Variants in ANGPT1 observed in about 807,000 individuals in gnomAD.
The protein encoded by ANGPT1 is angiopoietin-1.
In ANGPT1, 17 loss-of-function variants were observed where a neutral mutation model predicts 62.2. That is an observed-to-expected ratio of 0.27 (90% CI 0.19 to 0.41). ANGPT1 has a LOEUF of 0.41. Ranked by LOEUF, ANGPT1 falls within the 10% of genes least tolerant of loss-of-function variation. ANGPT1 has a pLI of 1.00. For synonymous variants in ANGPT1, 199 were observed against 198.9 expected (o/e 1.00, Z 0.00); for missense variants, 478 against 594.9 (o/e 0.80, Z 2.04).
intron 3 of ANGPT1, among the ~76,000 whole-genome samples, chr8:107,332,825 G>C (rs1815454780): frequency 6.6e-6 from 1 of 152,168 alleles, no homozygotes; most frequent in South Asian, 2.1e-4. Flanking sequence ...ATCCAAACCA[G>C]ACCTGACCAA....
chr8:107,272,511 C>T (rs1016313884), intron 7 of ANGPT1, among the ~76,000 whole-genome samples: 3 of 151,938 alleles, frequency 2.0e-5, no homozygotes, highest in African/African-American at 7.2e-5. Flanking sequence ...TCCAGGTCTT[C>T]CCAAGCTCTT....
intron 8 of ANGPT1, among the ~76,000 whole-genome samples, chr8:107,255,849 GA>G (rs1485865339): frequency 6.6e-6 from 1 of 151,472 alleles, no homozygotes; most frequent in East Asian, 1.9e-4. Flanking sequence ...GTTTAGGCCA[GA>G]AAAAAAAGAG....
At chr8:107,431,439 T>G (rs895036750) in intron 1 of ANGPT1, among the ~76,000 whole-genome samples, 4 of 152,194 alleles carry the variant, frequency 2.6e-5, no homozygotes, top group African/African-American at 9.7e-5. Context: ...ACAACACACT[T>G]AAGCTAAAGT....
intron 1 of ANGPT1, among the ~76,000 whole-genome samples, chr8:107,416,684 AT>A (rs1425368129): frequency 6.6e-6 from 1 of 152,134 alleles, no homozygotes; most frequent in African/African-American, 2.4e-5. Context: ...AGCAAGACCT[AT>A]CTGTTGAAGT....
At chr8:107,405,984 T>G (rs1285806120) in intron 1 of ANGPT1, among the ~76,000 whole-genome samples, 5 of 152,104 alleles carry the variant, frequency 3.3e-5, no homozygotes, top group Admixed American at 6.5e-5. Flanking sequence ...TGGGTGTTTA[T>G]GTTTAAATAA....
At chr8:107,403,489 A>T (rs1817086114) in intron 1 of ANGPT1, among the ~76,000 whole-genome samples, 1 of 152,260 alleles carries the variant, frequency 6.6e-6, no homozygotes, top group Admixed American at 6.6e-5. Flanking sequence ...GGTGTCTAAA[A>T]ATGAAATATC....
At chr8:107,363,345 G>A (rs1476012392) in intron 1 of ANGPT1, among the ~76,000 whole-genome samples, 2 of 152,192 alleles carry the variant, frequency 1.3e-5, no homozygotes, top group East Asian at 3.8e-4. Context: ...TCTATTAGAA[G>A]TGTGAATTCT....
chr8:107,383,208 T>A (rs1416503297), intron 1 of ANGPT1, among the ~76,000 whole-genome samples: 8 of 152,168 alleles, frequency 5.3e-5, no homozygotes, highest in African/African-American at 9.7e-5. Context: ...GTATTTTTAG[T>A]GACCACAGAG....
chr8:107,330,476 T>C (rs35855686), intron 3 of ANGPT1, among the ~76,000 whole-genome samples: 29,772 of 152,166 alleles, frequency 0.2, 3,295 homozygotes, highest in East Asian at 0.34. Context: ...ATAGTGATCA[T>C]GGACTGTATT....
chr8:107,436,087 G>A (rs1219699029), intron 1 of ANGPT1, among the ~76,000 whole-genome samples: 1 of 151,908 alleles, frequency 6.6e-6, no homozygotes, highest in Non-Finnish European at 1.5e-5. Context: ...ACTTTTTTTT[G>A]TAGAGATGGG....
At chr8:107,393,934 G>A (rs1029464659) in intron 1 of ANGPT1, among the ~76,000 whole-genome samples, 1 of 152,174 alleles carries the variant, frequency 6.6e-6, no homozygotes, top group Non-Finnish European at 1.5e-5. Context: ...AATCGTAAGT[G>A]AAAATATATA....
At chr8:107,430,792 C>A (rs980380780) in intron 1 of ANGPT1, among the ~76,000 whole-genome samples, 21 of 152,134 alleles carry the variant, frequency 1.4e-4, no homozygotes, top group African/African-American at 1.9e-4. Flanking sequence ...CAAAAGGAAC[C>A]AACTTTGCCT....
chr8:107,288,790 C>T (rs746275264), intron 6 of ANGPT1, among the ~76,000 whole-genome samples: 1 of 152,100 alleles, frequency 6.6e-6, no homozygotes, highest in African/African-American at 2.4e-5. Context: ...GATTACATGT[C>T]TGGGACTGTC....
In ANGPT1 at chr8:107,475,679, T is replaced by A. The variant is rs201896623; in HGVS notation, c.297+21583A>T. ...CAGAATGGGAGAAAATTTTTGCAATTTACTCATCTGACAAAGGGTTAATAT... is the reference window on the plus strand; with the variant it reads ...CAGAATGGGAGAAAATTTTTGCAATATACTCATCTGACAAAGGGTTAATAT... On this transcript the variant is annotated intron_variant, in intron 1 of 8. Coordinates refer to ENST00000517746, the MANE Select transcript of ANGPT1 (RefSeq NM_001146.5). Among the ~76,000 whole-genome samples, 5 of 151,984 alleles carry A rather than the reference T, an allele frequency of 3.3e-5. 1 individual carries two copies. In the South Asian group the frequency reaches 1.0e-3, roughly 32 times the overall value.
chr8:107,457,825 T>TACACACACACAC (rs148742634), intron 1 of ANGPT1, among the ~76,000 whole-genome samples: 9 of 81,682 alleles, frequency 1.1e-4, no homozygotes, highest in African/African-American at 3.4e-4. Context: ...ACATACCCAC[T>TACACACACACAC]ACACACACAC....
At chr8:107,281,836 G>A (rs560122547) in intron 7 of ANGPT1, among the ~76,000 whole-genome samples, 18 of 152,224 alleles carry the variant, frequency 1.2e-4, no homozygotes, top group Non-Finnish European at 1.9e-4. Context: ...TGCTTGTAGT[G>A]TTAAAAATCA....
chr8:107,270,518 G>C (rs949655072), intron 7 of ANGPT1, among the ~76,000 whole-genome samples: 1 of 151,972 alleles, frequency 6.6e-6, no homozygotes, highest in African/African-American at 2.4e-5. Context: ...ATTTCTAGTT[G>C]CTGCTTCTGG....
chr8:107,448,825 G>A (rs934747922), intron 1 of ANGPT1, among the ~76,000 whole-genome samples: 1 of 152,142 alleles, frequency 6.6e-6, no homozygotes, highest in Non-Finnish European at 1.5e-5. Flanking sequence ...ACAAACATGT[G>A]CATTAGTAAG....
intron 4 of ANGPT1, among the ~76,000 whole-genome samples, chr8:107,317,629 T>A (rs553529288): frequency 8.8e-4 from 41 of 46,716 alleles, no homozygotes; most frequent in Admixed American, 5.7e-3. Flanking sequence ...TTTATTTTTA[T>A]TTTTATTTTT....
Sources: gnomAD v4.1 joint callset for allele counts (sites outside exome capture counted in the v4.1 genomes callset) on GRCh38, gnomAD v4.1.1 for gene constraint, MANE v1.5 for transcripts, NCBI Gene and HGNC (gene_info 2026-07-23, HGNC 2026-07-21) for gene names.